The following LINGO2 variants were observed in gnomAD, a reference collection of about 807,000 sequenced individuals.
The protein encoded by LINGO2 is leucine rich repeat and Ig domain containing 2, also known as leucine-rich repeat and immunoglobulin-like domain-containing nogo receptor-interacting protein 2.
LINGO2 carries 14 observed loss-of-function variants against 30.6 expected under a neutral mutation model. The observed-to-expected ratio is 0.46, with a 90% CI of 0.30 to 0.72. The LOEUF is 0.72. Ranked by LOEUF, LINGO2 falls within the 30% of genes least tolerant of loss-of-function variation. LINGO2 has a pLI of 0.07. For synonymous variants in LINGO2, 317 were observed against 288.5 expected (o/e 1.10, Z -1.00); for missense variants, 729 against 751.7 (o/e 0.97, Z 0.35).
chr9:28,701,736 G>T, the LINGO2 span, among the ~76,000 whole-genome samples: 1 of 151,858 alleles, frequency 6.6e-6, no homozygotes, highest in Non-Finnish European at 1.5e-5. Context: ...TGAAAAAAAT[G>T]ACATCTTGAC....
chr9:28,841,669 G>T, the LINGO2 span, among the ~76,000 whole-genome samples: 2 of 151,586 alleles, frequency 1.3e-5, no homozygotes, highest in Non-Finnish European at 2.9e-5. Flanking sequence ...AGGTGGGTGG[G>T]TTGGGAATTG....
chr9:28,213,532 T>C (rs1820665256), intron 4 of LINGO2, among the ~76,000 whole-genome samples: 1 of 151,430 alleles, frequency 6.6e-6, no homozygotes, highest in Non-Finnish European at 1.5e-5. Context: ...AGTGACTTAT[T>C]AAGAAGCAAA....
In LINGO2 at chr9:28,389,705, C is replaced by T. The variant is rs150008201; in HGVS notation, c.-278-16837G>A. 1.6e-4 allele frequency among the ~76,000 whole-genome samples: 25 copies of T among 152,268 alleles called. No homozygotes were observed. In the South Asian group the frequency reaches 3.3e-3, roughly 20 times the overall value. ...CAACTTCCCACACGAAACAAACAAACGAAAACCTCACCTTTCATAAATGCA... is the reference window on the plus strand; with the variant it reads ...CAACTTCCCACACGAAACAAACAAATGAAAACCTCACCTTTCATAAATGCA... On this transcript the variant is annotated intron_variant, in intron 2 of 5. Transcript: ENST00000379992.
At chr9:28,322,323 A>T (rs1825073607) in intron 3 of LINGO2, among the ~76,000 whole-genome samples, 1 of 152,012 alleles carries the variant, frequency 6.6e-6, no homozygotes, top group African/African-American at 2.4e-5. Flanking sequence ...ATCATATCAC[A>T]CCATTTTCAT....
chr9:28,839,991 C>T, the LINGO2 span, among the ~76,000 whole-genome samples: 3 of 152,120 alleles, frequency 2.0e-5, no homozygotes, highest in Non-Finnish European at 2.9e-5. Context: ...GGTGTGTCAA[C>T]GTCACCCCAA....
the LINGO2 span, among the ~76,000 whole-genome samples, chr9:28,945,022 G>T: frequency 6.6e-6 from 1 of 152,138 alleles, no homozygotes; most frequent in African/African-American, 2.4e-5. Flanking sequence ...TAGGCTGGTT[G>T]TTCCAATACA....
At chr9:28,486,802 A>T (rs968278114) in intron 1 of LINGO2, among the ~76,000 whole-genome samples, 1 of 152,110 alleles carries the variant, frequency 6.6e-6, no homozygotes. Context: ...TAAAAATAAT[A>T]ATAAAATAGT....
the LINGO2 span, among the ~76,000 whole-genome samples, chr9:29,149,325 GAAAT>G: frequency 6.6e-6 from 1 of 151,976 alleles, no homozygotes; most frequent in Non-Finnish European, 1.5e-5. Flanking sequence ...TCCACCTCAA[GAAAT>G]AAATAAATAG....
intron 1 of LINGO2, among the ~76,000 whole-genome samples, chr9:28,551,217 T>G (rs149274781): frequency 2.6e-5 from 4 of 151,864 alleles, no homozygotes; most frequent in African/African-American, 9.7e-5. Flanking sequence ...ATATCTGAAA[T>G]AGGCCCATCT....
At chr9:28,893,906 C>G in the LINGO2 span, among the ~76,000 whole-genome samples, 163 of 151,816 alleles carry the variant, frequency 1.1e-3, no homozygotes, top group African/African-American at 3.8e-3. Flanking sequence ...CCCCCCTGCC[C>G]CCACCCCACA....
At position 28,241,196 on chromosome 9, in the gene LINGO2, G is replaced by C. The variant is rs150370201; in HGVS notation, c.-87+54012C>G. Among the ~76,000 whole-genome samples the C allele has an allele frequency of 4.6e-3, 673 of 147,162 alleles. 6 individuals carry two copies. The highest frequency in any genetic ancestry group is 0.016 in the African/African-American group (641 of 39,840). ...AGGCAGGAGAATTGCTTGAACCCGG[G>C]AGGTGGAAACTGCAGTGAGCTGAGA... On this transcript the variant is annotated intron_variant, in intron 4 of 5. Transcript: ENST00000379992.
intron 4 of LINGO2, among the ~76,000 whole-genome samples, chr9:28,149,503 A>G (rs2167639): frequency 0.99 from 146,663 of 148,438 alleles, 72,465 homozygotes; most frequent in Non-Finnish European, 1. Context: ...GCCTCTGCCC[A>G]GCCGCCTCAC....
the LINGO2 span, among the ~76,000 whole-genome samples, chr9:29,066,694 G>A: frequency 2.0e-5 from 3 of 151,868 alleles, no homozygotes; most frequent in Admixed American, 6.6e-5. Flanking sequence ...AAGTGTCAGG[G>A]AAAACCAACA....
chr9:28,633,405 G>A (rs1279165497), intron 1 of LINGO2, among the ~76,000 whole-genome samples: 1 of 152,080 alleles, frequency 6.6e-6, no homozygotes, highest in Non-Finnish European at 1.5e-5. Flanking sequence ...CCAGATATAT[G>A]TGGTGTGCTG....
the LINGO2 span, among the ~76,000 whole-genome samples, chr9:29,132,214 G>C: frequency 6.6e-6 from 1 of 152,020 alleles, no homozygotes. Context: ...GTTCCTCGAG[G>C]GGGGGAAATG....
intron 1 of LINGO2, among the ~76,000 whole-genome samples, chr9:28,603,734 A>T (rs1472070565): frequency 6.6e-6 from 1 of 152,020 alleles, no homozygotes; most frequent in Non-Finnish European, 1.5e-5. Context: ...TGCTGCAAAT[A>T]TGCTGGCGAT....
At chr9:28,017,713 T>C (rs1822909338) in intron 4 of LINGO2, among the ~76,000 whole-genome samples, 1 of 152,036 alleles carries the variant, frequency 6.6e-6, no homozygotes, top group Non-Finnish European at 1.5e-5. Context: ...AAATCAGAGA[T>C]GACACAAATT....
chr9:29,054,399 A>G, the LINGO2 span, among the ~76,000 whole-genome samples: 1 of 152,184 alleles, frequency 6.6e-6, no homozygotes, highest in Admixed American at 6.5e-5. Context: ...TGTTATTTTG[A>G]ACTCCAAGTT....
intron 1 of LINGO2, among the ~76,000 whole-genome samples, chr9:28,595,057 T>G (rs1825110141): frequency 6.6e-6 from 1 of 152,074 alleles, no homozygotes; most frequent in African/African-American, 2.4e-5. Context: ...AGAATGGATA[T>G]TCATGAGCAT....
Sources: gnomAD v4.1 joint callset for allele counts (sites outside exome capture counted in the v4.1 genomes callset) on GRCh38, gnomAD v4.1.1 for gene constraint, MANE v1.5 for transcripts, NCBI Gene and HGNC (gene_info 2026-07-23, HGNC 2026-07-21) for gene names.